The following SBF2 variants were observed in gnomAD, a reference collection of about 807,000 sequenced individuals.
The protein encoded by SBF2 is myotubularin-related protein 13.
SBF2 carries 112 observed loss-of-function variants against 225.2 expected under a neutral mutation model. The observed-to-expected ratio is 0.50, with a 90% CI of 0.43 to 0.58. The LOEUF (loss-of-function observed/expected upper bound fraction) is 0.58, where lower values mean the gene tolerates loss of function less well. Ranked by LOEUF, SBF2 falls within the 20% of genes least tolerant of loss-of-function variation. SBF2 has a pLI of 0.00. For missense variants in SBF2, 1,996 were observed against 2,206.2 expected (o/e 0.90, Z 1.91); for synonymous variants, 763 against 773.3 (o/e 0.99, Z 0.22).
At chr11:9,861,107 T>C (rs1250827927) in intron 17 of SBF2, among the ~76,000 whole-genome samples, 1 of 152,222 alleles carries the variant, frequency 6.6e-6, no homozygotes, top group African/African-American at 2.4e-5. Flanking sequence ...TTGAGCATTC[T>C]AAATCTGAAA....
chr11:10,026,157 C>A (rs977183044), intron 6 of SBF2, among the ~76,000 whole-genome samples: 10 of 151,740 alleles, frequency 6.6e-5, no homozygotes, highest in Non-Finnish European at 1.5e-4. Context: ...CTGGTTACAA[C>A]CTCCTCCTCT....
intron 15 of SBF2, among the ~76,000 whole-genome samples, chr11:9,962,776 C>T (rs1287628787): frequency 6.6e-6 from 1 of 151,920 alleles, no homozygotes; most frequent in Non-Finnish European, 1.5e-5. Context: ...GCTTATTTAG[C>T]TAAAAAATCA....
intron 16 of SBF2, among the ~76,000 whole-genome samples, chr11:9,924,747 T>C (rs1219823666): frequency 1.3e-5 from 2 of 151,526 alleles, no homozygotes. Flanking sequence ...TTCTTATTTT[T>C]ATTTATTTAT....
chr11:10,140,335 G>GTCT (rs1954580958), intron 2 of SBF2, among the ~76,000 whole-genome samples: 1 of 152,190 alleles, frequency 6.6e-6, no homozygotes, highest in Non-Finnish European at 1.5e-5. Flanking sequence ...CTCTCCTGAT[G>GTCT]TCTTACAAAG....
intron 6 of SBF2, among the ~76,000 whole-genome samples, chr11:10,004,629 C>T (rs7129239): frequency 0.52 from 76,579 of 147,350 alleles, 20,457 homozygotes; most frequent in Admixed American, 0.61. Context: ...CCCTCACAAC[C>T]TGCCCACAAG....
intron 1 of SBF2, among the ~76,000 whole-genome samples, chr11:10,223,578 T>C (rs527758251): frequency 6.6e-6 from 1 of 151,678 alleles, no homozygotes; most frequent in Non-Finnish European, 1.5e-5. Context: ...TGAATCTCTG[T>C]CTGAAATGGT....
intron 19 of SBF2, among the ~76,000 whole-genome samples, chr11:9,855,930 T>C (rs1016769265): frequency 2.0e-5 from 3 of 152,138 alleles, no homozygotes; most frequent in Non-Finnish European, 4.4e-5. Context: ...GGAGACCAGT[T>C]TGGTTGACAG....
At chr11:10,261,080 G>C (rs1296635312) in intron 1 of SBF2, among the ~76,000 whole-genome samples, 1 of 152,084 alleles carries the variant, frequency 6.6e-6, no homozygotes, top group Non-Finnish European at 1.5e-5. Flanking sequence ...AATCAGCAGA[G>C]AAAACTAGAA....
intron 2 of SBF2, among the ~76,000 whole-genome samples, chr11:10,136,258 A>G (rs969174792): frequency 2.0e-5 from 3 of 152,130 alleles, no homozygotes; most frequent in African/African-American, 4.8e-5. Context: ...GAGAACTACA[A>G]TTCAAGGTGA....
At chr11:9,841,598 T>A (rs1175905982) in intron 25 of SBF2, among the ~76,000 whole-genome samples, 1 of 151,738 alleles carries the variant, frequency 6.6e-6, no homozygotes, top group East Asian at 1.9e-4. Context: ...AGTGGTGCAA[T>A]CTCGGCTCAC....
chr11:10,096,008 C>A (rs1952004069), intron 2 of SBF2, among the ~76,000 whole-genome samples: 1 of 151,948 alleles, frequency 6.6e-6, no homozygotes, highest in African/African-American at 2.4e-5. Flanking sequence ...TAAACTGAAC[C>A]AGGAGCCACA....
intron 21 of SBF2, among the ~76,000 whole-genome samples, chr11:9,851,727 C>T (rs2645013): frequency 0.84 from 127,752 of 151,988 alleles, 54,122 homozygotes; most frequent in Non-Finnish European, 0.87. Flanking sequence ...TTCCTACCTA[C>T]CTGCCTTCCG....
At chr11:10,211,783 C>T (rs1957952133) in intron 1 of SBF2, among the ~76,000 whole-genome samples, 1 of 152,128 alleles carries the variant, frequency 6.6e-6, no homozygotes, top group African/African-American at 2.4e-5. Flanking sequence ...CTGATGTTCT[C>T]GGTTAATTAG....
At chr11:9,828,155 A>G in intron 28 of SBF2, 1 of 1,289,618 alleles carries the variant, frequency 7.8e-7, no homozygotes, top group Non-Finnish European at 1.0e-6. Context: ...GGATGGGTTT[A>G]CATCCAAATG....
At chr11:9,874,273 C>A (rs759686009) in intron 17 of SBF2, among the ~76,000 whole-genome samples, 4 of 151,896 alleles carry the variant, frequency 2.6e-5, no homozygotes, top group Non-Finnish European at 4.4e-5. Context: ...AAACTTATTC[C>A]TTACACTATT....
intron 17 of SBF2, among the ~76,000 whole-genome samples, chr11:9,892,802 G>T (rs1189805840): frequency 6.6e-6 from 1 of 151,890 alleles, no homozygotes; most frequent in Non-Finnish European, 1.5e-5. Flanking sequence ...CAGGTGATCC[G>T]CCCGCCTCGG....
At chr11:9,976,341 G>A (rs1452248195) in intron 13 of SBF2, among the ~76,000 whole-genome samples, 1 of 151,964 alleles carries the variant, frequency 6.6e-6, no homozygotes, top group African/African-American at 2.4e-5. Context: ...CAAAGTGCTG[G>A]GATTACAGGC....
rs183306083 is a variant in SBF2, at chr11:10,171,588, C to T, written c.141+22314G>A. ...CATCAATGTTCATCAGGGAAATTGG[C>T]CTATGGTTTTCTTTTTTGCTGTGTC... On this transcript the variant is annotated intron_variant, in intron 2 of 39. Transcript: ENST00000256190. 6.4e-4 allele frequency among the ~76,000 whole-genome samples: 98 copies of T among 152,160 alleles called. 1 individual carries two copies. The highest frequency in any genetic ancestry group is 2.3e-3 in the African/African-American group (94 of 41,522).
At chr11:10,043,822 T>A (rs934986323) in intron 2 of SBF2, among the ~76,000 whole-genome samples, 1 of 152,168 alleles carries the variant, frequency 6.6e-6, no homozygotes, top group Non-Finnish European at 1.5e-5. Context: ...AATTCTCCTG[T>A]GTCAGTCTCC....
Sources: allele counts gnomAD v4.1 joint callset (sites outside exome capture counted in the v4.1 genomes callset), GRCh38; gene constraint gnomAD v4.1.1; transcripts MANE v1.5; gene names NCBI Gene and HGNC (gene_info 2026-07-23, HGNC 2026-07-21).